The following VWCE variants were observed in gnomAD, a reference collection of about 807,000 sequenced individuals.
The protein encoded by VWCE is von Willebrand factor C and EGF domain-containing protein.
In VWCE, 68 loss-of-function variants were observed where a neutral mutation model predicts 102.9. That is an observed-to-expected ratio of 0.66 (90% CI 0.54 to 0.81). VWCE has a LOEUF of 0.81. VWCE is among the 30% of genes least tolerant of loss of function. VWCE has a pLI of 0.00. For missense variants in VWCE, 1,137 were observed against 1,263.6 expected (o/e 0.90, Z 1.52); for synonymous variants, 497 against 515.4 (o/e 0.96, Z 0.48).
chr11:61,282,713 C>G (rs1393427149), intron 6 of VWCE, 76 bp downstream of exon 6: 1 of 1,218,318 alleles, frequency 8.2e-7, no homozygotes, highest in African/African-American at 1.5e-5. Context: ...TTAACCTTCC[C>G]GGGTCCCTGG....
In VWCE at chr11:61,258,896, T is replaced by C. The variant is rs1854267451; in HGVS notation, c.2647A>G (p.Ile883Val). ...GGCAGAGGAGGCCACCTGGACACTA[T>C]CTGGGCCCCAGAGGCTGAGAACGAG... ...ERSFSASGAQ[I>V]VSRWPPLPGT... The change falls in exon 20 of 20, where the codon ATA (isoleucine) becomes GTA (valine). Residue 883 changes from isoleucine to valine, a missense_variant. Physicochemically the swap from Ile to Val is conservative, Grantham distance 29. Transcript: ENST00000335613. 2.0e-6 allele frequency: 3 copies of C among 1,525,824 alleles called. No homozygotes were observed. Among genetic ancestry groups the C allele is most frequent in the East Asian group, 2.3e-5 (1 of 44,204 alleles). The allele number at this position is 1,525,824 out of a possible 1,614,324, so 94.5% of individuals were successfully genotyped here.
chr11:61,294,883 G>T lies in VWCE; in HGVS notation c.110+45C>A. 7.7e-7 allele frequency: 1 copy of T among 1,300,014 alleles called. No homozygotes were observed. Among genetic ancestry groups the T allele is most frequent in the Non-Finnish European group, 1.0e-6 (1 of 1,003,052 alleles). The allele number at this position is 1,300,014 out of a possible 1,614,324, so 80.5% of individuals were successfully genotyped here. On this transcript the variant is annotated intron_variant, in intron 1 of 19. Transcript: ENST00000335613. This position sits in a 1 kb window ranked among gnomAD's most constrained non-coding sequence, Gnocchi z 6.3. ...CGCGCCTCTCGACTGCACGCCGGTA[G>T]CGCTCTCCCGGGCGGGGGAGCGGGG... is the stretch of plus-strand genomic sequence containing the variant.
chr11:61,286,231 GCA>G, intron 5 of VWCE, 81 bp downstream of exon 5: 1 of 1,321,858 alleles, frequency 7.6e-7, no homozygotes, highest in Non-Finnish European at 1.1e-6. Context: ...AGAGCACACT[GCA>G]CTGGGCATGG....
intron 4 of VWCE, among the ~76,000 whole-genome samples, chr11:61,287,420 C>T (rs1108769): frequency 4.6e-5 from 7 of 152,120 alleles, no homozygotes; most frequent in Non-Finnish European, 8.8e-5. Context: ...GGCCCTCAAA[C>T]GGGCAGAGGG....
chr11:61,293,676 C>T (rs895491287), intron 1 of VWCE, among the ~76,000 whole-genome samples: 25 of 152,296 alleles, frequency 1.6e-4, no homozygotes, highest in African/African-American at 5.1e-4. Context: ...GATGATTCTG[C>T]GAGGCAGGCA....
intron 14 of VWCE, 181 bp from the exon 15 acceptor site, chr11:61,269,199 G>A: frequency 1.7e-6 from 1 of 601,316 alleles, no homozygotes; most frequent in Non-Finnish European, 3.0e-6. Flanking sequence ...AAGGCCATGT[G>A]AGCCTTCCAG....
chr11:61,281,242 CAGA>C lies in VWCE; in HGVS notation c.788-10_788-8del, dbSNP rs1855123144. The C allele has an allele frequency of 6.2e-7, 1 of 1,611,852 alleles. No homozygotes were observed. Among genetic ancestry groups the C allele is most frequent in the Non-Finnish European group, 8.5e-7 (1 of 1,179,934 alleles). ...AGCACGGCTTTCGGGAAAGCTGAAA[CAGA>C]AGCACGGAGGTCTCTTGGGGTGGAC... On this transcript the variant is annotated splice_polypyrimidine_tract_variant and splice_region_variant and intron_variant, in intron 7 of 19. Coordinates refer to ENST00000335613, the MANE Select transcript of VWCE (RefSeq NM_152718.2).
intron 12 of VWCE, 105 bp from the exon 13 acceptor site, chr11:61,273,421 T>G (rs756212083): frequency 1.1e-5 from 12 of 1,072,764 alleles, no homozygotes; most frequent in East Asian, 7.8e-5. Flanking sequence ...TCCCGGCTAC[T>G]CAAGTGAAAC....
At position 61,267,466 on chromosome 11, in the gene VWCE, C is replaced by T; in HGVS notation, c.1961G>A (p.Cys654Tyr). ...SVLDPCLSCI[C>Y]LLGSVACSPV... Reference sequence around the variant, plus strand: ...TCAGATCTGGGTGGTCCATACCAGGCAGATGCAGCTCAGACATGGGTCCAG... The same window carrying T: ...TCAGATCTGGGTGGTCCATACCAGGTAGATGCAGCTCAGACATGGGTCCAG... The change falls in exon 16 of 20, where the codon TGC (cysteine) becomes TAC (tyrosine). Residue 654 changes from cysteine to tyrosine, a missense_variant. Physicochemically the swap from Cys to Tyr is radical, Grantham distance 194. This residue lies in a region of VWCE where 212 missense variants were observed against 235.1 expected (regional missense o/e 0.90). Coordinates refer to ENST00000335613, the MANE Select transcript of VWCE (RefSeq NM_152718.2). 2 of 1,614,074 alleles carry T rather than the reference C, an allele frequency of 1.2e-6. No homozygotes were observed. Among genetic ancestry groups the T allele is most frequent in the Non-Finnish European group, 1.7e-6 (2 of 1,179,988 alleles).
rs892974753 is a variant in VWCE, at chr11:61,295,245, G to A, written c.-208C>T. On this transcript the variant is annotated 5_prime_UTR_variant, in exon 1 of 20. Transcript: ENST00000335613. This position sits in a 1 kb window ranked among gnomAD's most constrained non-coding sequence, Gnocchi z 4.6. ...GGACGCGGCGGACGATTGTGGGGAG[G>A]GTCTCTGGCACCTCGAAGCGAAACA... 6 of 378,940 alleles carry A rather than the reference G, an allele frequency of 1.6e-5. No individual in the cohort carries two copies. The highest frequency in any genetic ancestry group is 2.8e-5 in the Non-Finnish European group (6 of 214,028). The allele number at this position is 378,940 out of a possible 1,614,324, so 23.5% of individuals were successfully genotyped here. A position where few individuals can be genotyped will look rare whatever the true frequency, so the allele number is the denominator to read the frequency against.
At chr11:61,265,090 AC>A in intron 17 of VWCE, 31 bp downstream of exon 17, 1 of 1,613,664 alleles carries the variant, frequency 6.2e-7, no homozygotes, top group Non-Finnish European at 8.5e-7. Context: ...CTGGCCGGGA[AC>A]CTGGCACGTG....
chr11:61,294,125 C>G lies in VWCE; in HGVS notation c.110+803G>C, dbSNP rs982918831. ...GCACCCGCCAGAGCGCCCTAAGGAG[C>G]CTCCTAGGGCTGGTGACAGAGGGAC... On this transcript the variant is annotated intron_variant, in intron 1 of 19. Transcript: ENST00000335613. This position sits in a 1 kb window ranked among gnomAD's most constrained non-coding sequence, Gnocchi z 6.3. Among the ~76,000 whole-genome samples, 2 of 152,082 alleles carry G rather than the reference C, an allele frequency of 1.3e-5. No individual in the cohort carries two copies. Among genetic ancestry groups the G allele is most frequent in the African/African-American group, 4.8e-5 (2 of 41,434 alleles).
At chr11:61,280,600 T>C (rs751390146) in intron 9 of VWCE, 24 bp downstream of exon 9, 47 of 1,612,732 alleles carry the variant, frequency 2.9e-5, no homozygotes, top group Non-Finnish European at 3.6e-5. Context: ...CAGGACTATG[T>C]CCTTCCCTGG....
At chr11:61,276,566 G>T in intron 11 of VWCE, 27 bp downstream of exon 11, 3 of 1,295,056 alleles carry the variant, frequency 2.3e-6, no homozygotes, top group Admixed American at 2.9e-5. Flanking sequence ...AAAAAAAAAA[G>T]CAAAATGCTC....
intron 5 of VWCE, among the ~76,000 whole-genome samples, chr11:61,285,250 A>AT (rs1284107027): frequency 6.6e-6 from 1 of 152,158 alleles, no homozygotes; most frequent in Non-Finnish European, 1.5e-5. Flanking sequence ...TGGCTTTTAA[A>AT]TTTTTTCTCA....
chr11:61,263,786 G>A (rs1854424970), intron 19 of VWCE, among the ~76,000 whole-genome samples: 1 of 152,184 alleles, frequency 6.6e-6, no homozygotes, highest in African/African-American at 2.4e-5. Context: ...TTGCAGGGGT[G>A]TAGACACATG....
chr11:61,292,170 C>T (rs1444442223), intron 1 of VWCE, among the ~76,000 whole-genome samples: 1 of 151,912 alleles, frequency 6.6e-6, no homozygotes, highest in Non-Finnish European at 1.5e-5. Flanking sequence ...TTGCAGCGAG[C>T]CAAGTTGGCG....
In VWCE at chr11:61,281,066, T is replaced by A. The variant is rs1435333579; in HGVS notation, c.957A>T (p.Pro319=). Residue 319 remains proline (P), a synonymous_variant, in exon 8 of 20, where the codon CCA becomes CCT. Coordinates refer to ENST00000335613, the MANE Select transcript of VWCE (RefSeq NM_152718.2). ...PPAGVRTTRL[P]SPTPRLPTSS... The stretch of plus-strand genomic sequence containing the variant: ...ATGTGGGTAGTCGTGGGGTGGGAGA[T>A]GGCAGGCGGGTGGTCCTGACTCCGG... 6.2e-7 allele frequency: 1 copy of A among 1,601,686 alleles called. No individual in the cohort carries two copies.
At chr11:61,282,024 AG>A (rs1214256931) in intron 6 of VWCE, 110 bp from the exon 7 acceptor site, 25 of 1,499,568 alleles carry the variant, frequency 1.7e-5, no homozygotes, top group Admixed American at 1.0e-4. Flanking sequence ...ATGTTCTTAC[AG>A]GGTCCATGCC....
Sources: allele counts gnomAD v4.1 joint callset (sites outside exome capture counted in the v4.1 genomes callset), GRCh38; gene constraint gnomAD v4.1.1; regional missense constraint gnomAD v4.1.1; non-coding constraint Gnocchi (gnomAD v3.1); transcripts MANE v1.5; gene names NCBI Gene and HGNC (gene_info 2026-07-23, HGNC 2026-07-21).